The following PARD3B variants were observed in gnomAD, a reference collection of about 807,000 sequenced individuals.
The protein encoded by PARD3B is partitioning defective 3 homolog B.
In PARD3B, 103 loss-of-function variants were observed where a neutral mutation model predicts 130.2. The observed-to-expected ratio is 0.79, with a 90% confidence interval of 0.67 to 0.93. The LOEUF (loss-of-function observed/expected upper bound fraction) is 0.93. Among genes scored for constraint, PARD3B ranks in the 40% least tolerant of loss-of-function variants. The pLI, the probability that PARD3B is intolerant of heterozygous loss-of-function variation, is 0.00. For synonymous variants in PARD3B, 583 were observed against 553.2 expected (o/e 1.05, Z -0.76); for missense variants, 1,609 against 1,499.2 (o/e 1.07, Z -1.21).
chr2:204,912,005 A>G (rs1279832229), intron 2 of PARD3B, among the ~76,000 whole-genome samples: 1 of 127,710 alleles, frequency 7.8e-6, no homozygotes, highest in East Asian at 2.0e-4. Context: ...TTAAACAAAC[A>G]TGTTATTAGC....
At chr2:205,556,803 C>G (rs2052906958) in intron 22 of PARD3B, among the ~76,000 whole-genome samples, 1 of 152,150 alleles carries the variant, frequency 6.6e-6, no homozygotes, top group East Asian at 1.9e-4. Context: ...GCCTGACACC[C>G]TAGGTGAGTA....
At chr2:204,607,224 A>G (rs1319178535) in intron 1 of PARD3B, among the ~76,000 whole-genome samples, 1 of 152,338 alleles carries the variant, frequency 6.6e-6, no homozygotes, top group African/African-American at 2.4e-5. Flanking sequence ...AAAGGAAATT[A>G]TAGGGGCAGA....
At chr2:204,909,315 A>G (rs1291653658) in intron 2 of PARD3B, among the ~76,000 whole-genome samples, 1 of 152,214 alleles carries the variant, frequency 6.6e-6, no homozygotes, top group Non-Finnish European at 1.5e-5. Flanking sequence ...ATGCACACAC[A>G]CATACAGATG....
chr2:204,847,619 C>T (rs1439509071), intron 2 of PARD3B, among the ~76,000 whole-genome samples: 1 of 152,162 alleles, frequency 6.6e-6, no homozygotes, highest in African/African-American at 2.4e-5. Flanking sequence ...TTTGTCCAGC[C>T]TTTTCACTGT....
intron 15 of PARD3B, among the ~76,000 whole-genome samples, chr2:205,201,830 T>C (rs751492942): frequency 4.6e-5 from 7 of 152,154 alleles, no homozygotes; most frequent in Non-Finnish European, 8.8e-5. Flanking sequence ...AGAGTGAAAC[T>C]CCATCTCAAA....
intron 7 of PARD3B, among the ~76,000 whole-genome samples, chr2:205,119,570 A>T (rs1256981978): frequency 6.6e-6 from 1 of 152,060 alleles, no homozygotes; most frequent in Non-Finnish European, 1.5e-5. Context: ...TCATGAGGTC[A>T]GGAGTTCAAG....
intron 2 of PARD3B, among the ~76,000 whole-genome samples, chr2:204,888,294 G>T (rs773421070): frequency 2.0e-4 from 31 of 152,188 alleles, no homozygotes; most frequent in South Asian, 2.1e-4. Context: ...AAGTGACAGT[G>T]ATGCAGAGTA....
chr2:204,763,295 T>C (rs2040990139), intron 2 of PARD3B, among the ~76,000 whole-genome samples: 1 of 152,242 alleles, frequency 6.6e-6, no homozygotes, highest in Non-Finnish European at 1.5e-5. Flanking sequence ...CCTTAAGTTA[T>C]TATATATAGA....
intron 2 of PARD3B, among the ~76,000 whole-genome samples, chr2:204,955,547 A>AATGTAGATC (rs1690165716): frequency 3.3e-5 from 5 of 152,210 alleles, no homozygotes; most frequent in Admixed American, 3.3e-4. Context: ...TATAGCAGAA[A>AATGTAGATC]ATGTAGATCA....
chr2:204,563,968 G>T lies in PARD3B; in HGVS notation c.120+17849G>T, dbSNP rs191302420. Reference sequence around the variant, plus strand: ...TTTTTGTATTTTTAGTGGAGACGGGGTTTAACCGTGTTAGCCAGGATGGTC... The same window carrying T: ...TTTTTGTATTTTTAGTGGAGACGGGTTTTAACCGTGTTAGCCAGGATGGTC... On this transcript the variant is annotated intron_variant, in intron 1 of 22. Coordinates refer to ENST00000406610, the MANE Select transcript of PARD3B (RefSeq NM_001302769.2). 9.2e-3 allele frequency among the ~76,000 whole-genome samples: 1,399 copies of T among 152,206 alleles called. 8 individuals carry two copies. The highest frequency in any genetic ancestry group is 0.013 in the Non-Finnish European group (893 of 68,014).
At chr2:205,581,277 T>TAGATAG (rs1184893536) in intron 22 of PARD3B, among the ~76,000 whole-genome samples, 44 of 67,850 alleles carry the variant, frequency 6.5e-4, no homozygotes, top group African/African-American at 1.8e-3. Context: ...GATAGATAGA[T>TAGATAG]ATAGATATAT....
intron 22 of PARD3B, among the ~76,000 whole-genome samples, chr2:205,581,082 C>A (rs2053946403): frequency 1.3e-5 from 2 of 151,870 alleles, no homozygotes. Context: ...GATACCTAAG[C>A]ATTTATACCC....
In PARD3B at chr2:205,276,386, T is replaced by C. The variant is rs1261465197; in HGVS notation, c.2186-24144T>C. Among the ~76,000 whole-genome samples, 1 of 152,220 alleles carries C rather than the reference T, an allele frequency of 6.6e-6. No homozygotes were observed. Among genetic ancestry groups the C allele is most frequent in the African/African-American group, 2.4e-5 (1 of 41,452 alleles). On this transcript the variant is annotated intron_variant, in intron 16 of 22. Coordinates refer to ENST00000406610, the MANE Select transcript of PARD3B (RefSeq NM_001302769.2). The surrounding 1 kb of genome is among the most constrained non-coding windows in gnomAD (Gnocchi z 5.0). ...CTTGGTATTTATACAGCATTTGTGG[T>C]ATTTTCCTCCTTTCTTTTCTTATTT...
rs568862087 is a variant in PARD3B at position 204,688,578 on chromosome 2, T to TAA, written c.222+2314_222+2315dup. On this transcript the variant is annotated intron_variant, in intron 2 of 22. Coordinates refer to ENST00000406610, the MANE Select transcript of PARD3B (RefSeq NM_001302769.2). ...CTGGGTGACAGAGCAAGACTCCATC[T>TAA]AAAAAAAAAAAAAAAAAAAGGTGAA... 6.8e-4 allele frequency among the ~76,000 whole-genome samples: 64 copies of TAA among 94,574 alleles called. No homozygotes were observed. In the Middle Eastern group the frequency reaches 0.022, roughly 33 times the overall value. 62.0% of individuals were successfully genotyped at this position (94,574 alleles called of 152,430 possible). A position where few individuals can be genotyped will look rare whatever the true frequency, so the allele number is the denominator to read the frequency against.
At position 205,268,640 on chromosome 2, in the gene PARD3B, G is replaced by A. The variant is rs1366927451; in HGVS notation, c.2185+22818G>A. On this transcript the variant is annotated intron_variant, in intron 16 of 22. Transcript: ENST00000406610. This position sits in a 1 kb window ranked among gnomAD's most constrained non-coding sequence, Gnocchi z 4.1. ...AGATAAAAAGTAAAAATACAGGTCT[G>A]GAAGTGGTATATTTAAAATTTTACT... 1.3e-5 allele frequency among the ~76,000 whole-genome samples: 2 copies of A among 152,102 alleles called. No individual in the cohort carries two copies. The highest frequency in any genetic ancestry group is 2.9e-5 in the Non-Finnish European group (2 of 68,012).
intron 18 of PARD3B, among the ~76,000 whole-genome samples, chr2:205,399,430 C>T (rs1273569392): frequency 2.0e-5 from 3 of 151,978 alleles, no homozygotes; most frequent in African/African-American, 7.2e-5. Context: ...TCTCGGCTCA[C>T]TGCAACCTCT....
intron 19 of PARD3B, among the ~76,000 whole-genome samples, chr2:205,424,380 A>T (rs1405326681): frequency 6.6e-6 from 1 of 152,110 alleles, no homozygotes; most frequent in Non-Finnish European, 1.5e-5. Flanking sequence ...GCTTTTCATG[A>T]TCCCAGAGTT....
intron 18 of PARD3B, among the ~76,000 whole-genome samples, chr2:205,385,324 G>A (rs2045623781): frequency 6.6e-6 from 1 of 151,902 alleles, no homozygotes. Flanking sequence ...CCTGATACAG[G>A]GAGAGTTTGA....
At chr2:205,587,124 G>A (rs1432510814) in intron 22 of PARD3B, among the ~76,000 whole-genome samples, 1 of 152,110 alleles carries the variant, frequency 6.6e-6, no homozygotes, top group African/African-American at 2.4e-5. Context: ...TTACTATCAG[G>A]TACCTTGAGG....
Sources: gnomAD v4.1 joint callset for allele counts (sites outside exome capture counted in the v4.1 genomes callset) on GRCh38, gnomAD v4.1.1 for gene constraint, Gnocchi (gnomAD v3.1) non-coding constraint, MANE v1.5 for transcripts, NCBI Gene and HGNC (gene_info 2026-07-23, HGNC 2026-07-21) for gene names.